NKAIN2: variants seen among roughly 807,000 people sequenced by gnomAD.
NKAIN2 encodes the protein sodium/potassium transporting ATPase interacting 2.
NKAIN2 carries 14 observed loss-of-function variants against 32.6 expected under a neutral mutation model. The ratio of observed to expected loss-of-function variants is 0.43; its 90% CI spans 0.28 to 0.67. NKAIN2 has a LOEUF of 0.67. Among genes scored for constraint, NKAIN2 ranks in the 30% least tolerant of loss-of-function variants. NKAIN2 has a pLI of 0.17. For synonymous variants in NKAIN2, 80 were observed against 87.2 expected, an observed-to-expected ratio of 0.92 and a Z score of 0.46; for missense variants, 198 against 258.3, an observed-to-expected ratio of 0.77 and a Z score of 1.60.
At chr6:123,830,076 C>G (rs967752430) in intron 1 of NKAIN2, among the ~76,000 whole-genome samples, 8 of 152,082 alleles carry the variant, frequency 5.3e-5, no homozygotes, top group African/African-American at 9.7e-5. Context: ...GGAATCATTC[C>G]TGACTTTTCT....
chr6:124,732,681 A>C (rs1776742538), intron 4 of NKAIN2, among the ~76,000 whole-genome samples: 1 of 152,000 alleles, frequency 6.6e-6, no homozygotes, highest in African/African-American at 2.4e-5. Context: ...TGGTTGTGAT[A>C]TTTTAGGATT....
At chr6:124,712,690 C>T (rs150569041) in intron 4 of NKAIN2, among the ~76,000 whole-genome samples, 1 of 151,414 alleles carries the variant, frequency 6.6e-6, no homozygotes, top group Non-Finnish European at 1.5e-5. Context: ...GCACGGTGTG[C>T]GCACCCACTG....
intron 3 of NKAIN2, among the ~76,000 whole-genome samples, chr6:124,612,461 C>T (rs1393158066): frequency 6.6e-6 from 1 of 151,946 alleles, no homozygotes; most frequent in Non-Finnish European, 1.5e-5. Context: ...GAGAAATATT[C>T]AAAGATGGAG....
chr6:124,249,953 G>A (rs756547954), intron 1 of NKAIN2, among the ~76,000 whole-genome samples: 19 of 152,096 alleles, frequency 1.2e-4, no homozygotes, highest in Non-Finnish European at 2.4e-4. Flanking sequence ...CTTGATCTTG[G>A]TACTAGGATA....
intron 1 of NKAIN2, among the ~76,000 whole-genome samples, chr6:123,976,874 C>T (rs1163905127): frequency 6.6e-6 from 1 of 152,060 alleles, no homozygotes; most frequent in African/African-American, 2.4e-5. Context: ...AGTATATTTC[C>T]TTCTCTGAAG....
Position 124,808,393 on chromosome 6 carries a change from T to C in NKAIN2, c.536-9994T>C, listed in dbSNP as rs559453510. On this transcript the variant is annotated intron_variant, in intron 5 of 6. Transcript: ENST00000368417. ...ACCAAAGACAAAAACCACATGACTATCTTAATAGATGCAGAAAAGGCCTTT... is the reference window on the plus strand; with the variant it reads ...ACCAAAGACAAAAACCACATGACTACCTTAATAGATGCAGAAAAGGCCTTT... 2.0e-5 allele frequency among the ~76,000 whole-genome samples: 3 copies of C among 152,306 alleles called. No individual in the cohort carries two copies. In the East Asian group the frequency reaches 5.8e-4, roughly 29 times the overall value.
At chr6:124,669,725 TCTC>T (rs1208231122) in intron 4 of NKAIN2, among the ~76,000 whole-genome samples, 2 of 152,102 alleles carry the variant, frequency 1.3e-5, no homozygotes, top group African/African-American at 2.4e-5. Flanking sequence ...CTTCTTAAAT[TCTC>T]CTCTTTCATT....
chr6:124,163,610 C>T (rs1364762021), intron 1 of NKAIN2, among the ~76,000 whole-genome samples: 10 of 151,866 alleles, frequency 6.6e-5, no homozygotes, highest in African/African-American at 1.7e-4. Flanking sequence ...CTCTGATGTC[C>T]GCATTCTTAC....
intron 1 of NKAIN2, among the ~76,000 whole-genome samples, chr6:123,944,396 C>T (rs942433440): frequency 2.0e-5 from 3 of 152,014 alleles, no homozygotes; most frequent in Non-Finnish European, 4.4e-5. Flanking sequence ...CCAGCTTTCC[C>T]CTTGACTCCC....
intron 1 of NKAIN2, among the ~76,000 whole-genome samples, chr6:123,829,784 C>G (rs549563227): frequency 1.3e-5 from 2 of 152,304 alleles, no homozygotes; most frequent in Non-Finnish European, 2.9e-5. Flanking sequence ...GTGACACATT[C>G]AACGTAACGA....
At position 124,549,446 on chromosome 6, in the gene NKAIN2, G is replaced by A. The variant is rs948292686; in HGVS notation, c.274-108740G>A. Among the ~76,000 whole-genome samples the A allele has an allele frequency of 2.0e-5, 3 of 152,166 alleles. No homozygotes were observed. In the South Asian group the frequency reaches 6.2e-4, roughly 31 times the overall value. ...GGTTTTTCAAAGAATCACAGAAATA[G>A]TACAGAGTTCCCATATTCCTTTTGC... On this transcript the variant is annotated intron_variant, in intron 3 of 6. Transcript: ENST00000368417.
At chr6:124,717,100 A>G (rs1362899808) in intron 4 of NKAIN2, among the ~76,000 whole-genome samples, 1 of 152,238 alleles carries the variant, frequency 6.6e-6, no homozygotes, top group Non-Finnish European at 1.5e-5. Context: ...AGTACACACA[A>G]CTAGCTTTGA....
At chr6:124,596,441 T>G (rs1459982188) in intron 3 of NKAIN2, among the ~76,000 whole-genome samples, 1 of 152,166 alleles carries the variant, frequency 6.6e-6, no homozygotes, top group Non-Finnish European at 1.5e-5. Flanking sequence ...AGGGACCGCC[T>G]GTGCTTAGGA....
chr6:124,688,193 G>A (rs781023290), intron 4 of NKAIN2, among the ~76,000 whole-genome samples: 6 of 151,882 alleles, frequency 4.0e-5, no homozygotes, highest in Non-Finnish European at 8.8e-5. Flanking sequence ...GTGTTAATCC[G>A]TTACCACATT....
chr6:124,035,524 TAA>T (rs1440995433), intron 1 of NKAIN2, among the ~76,000 whole-genome samples: 16 of 152,118 alleles, frequency 1.1e-4, no homozygotes, highest in Admixed American at 1.0e-3. Context: ...TTTCTTCAGA[TAA>T]ACTTATTTCC....
intron 4 of NKAIN2, among the ~76,000 whole-genome samples, chr6:124,683,335 T>C (rs1370212199): frequency 6.6e-6 from 1 of 152,148 alleles, no homozygotes; most frequent in African/African-American, 2.4e-5. Context: ...AATGAGACTT[T>C]CTCTATATTG....
At chr6:124,433,141 G>A (rs1413500389) in intron 3 of NKAIN2, among the ~76,000 whole-genome samples, 2 of 152,180 alleles carry the variant, frequency 1.3e-5, no homozygotes, top group Non-Finnish European at 2.9e-5. Flanking sequence ...TCGCCATTCT[G>A]ACCATTCACT....
intron 1 of NKAIN2, among the ~76,000 whole-genome samples, chr6:124,199,980 T>C (rs541274705): frequency 2.0e-5 from 3 of 152,250 alleles, no homozygotes; most frequent in South Asian, 2.1e-4. Flanking sequence ...TAAAATCCTC[T>C]TTTAAGTAAT....
At chr6:123,986,949 C>T (rs1345945822) in intron 1 of NKAIN2, among the ~76,000 whole-genome samples, 2 of 152,084 alleles carry the variant, frequency 1.3e-5, no homozygotes, top group African/African-American at 2.4e-5. Flanking sequence ...GGTGTGGGTA[C>T]ACTTTAGCGA....
Sources: allele counts gnomAD v4.1 joint callset (sites outside exome capture counted in the v4.1 genomes callset), GRCh38; gene constraint gnomAD v4.1.1; transcripts MANE v1.5; gene names NCBI Gene and HGNC (gene_info 2026-07-23, HGNC 2026-07-21).